Variants in CMIP observed in about 807,000 individuals in gnomAD.
The protein encoded by CMIP is C-Maf-inducing protein.
A neutral mutation model predicts 97.3 loss-of-function variants in CMIP; 13 were observed. The observed-to-expected ratio is 0.13, with a 90% CI of 0.09 to 0.21. The LOEUF is 0.21. Among genes scored for constraint, CMIP ranks in the 10% least tolerant of loss-of-function variants. CMIP has a pLI of 1.00. For missense variants in CMIP, 847 were observed against 1,024.9 expected (o/e 0.83, Z 2.37); for synonymous variants, 538 against 436.3 (o/e 1.23, Z -2.91).
intron 2 of CMIP, among the ~76,000 whole-genome samples, chr16:81,612,620 C>A (rs1200671988): frequency 6.6e-6 from 1 of 152,204 alleles, no homozygotes; most frequent in East Asian, 1.9e-4. Flanking sequence ...TCTCACCTCT[C>A]AAGACAATGC....
intron 19 of CMIP, among the ~76,000 whole-genome samples, chr16:81,706,724 G>A (rs1021447830): frequency 2.0e-5 from 3 of 152,188 alleles, no homozygotes; most frequent in African/African-American, 7.2e-5. Flanking sequence ...GCAAGCTCTG[G>A]GGACATCAGG....
intron 1 of CMIP, among the ~76,000 whole-genome samples, chr16:81,596,264 G>A (rs1323837785): frequency 6.6e-6 from 1 of 152,010 alleles, no homozygotes; most frequent in Non-Finnish European, 1.5e-5. Context: ...CCAGCACTTT[G>A]GGAAGCCAAG....
chr16:81,644,275 A>T (rs1361481334), intron 3 of CMIP, among the ~76,000 whole-genome samples: 1 of 152,186 alleles, frequency 6.6e-6, no homozygotes, highest in African/African-American at 2.4e-5. Flanking sequence ...GATAATCGGG[A>T]CAGTGTTGCC....
chr16:81,675,436 C>G lies in CMIP; in HGVS notation c.1035-2839C>G, dbSNP rs151119711. 7.1e-4 allele frequency among the ~76,000 whole-genome samples: 103 copies of G among 144,700 alleles called. No individual in the cohort carries two copies. The East Asian group carries it at 0.019, about 26-fold the overall frequency. 94.9% of individuals were successfully genotyped at this position (144,700 alleles called of 152,430 possible). A position where few individuals can be genotyped will look rare whatever the true frequency, so the allele number is the denominator to read the frequency against. On this transcript the variant is annotated intron_variant, in intron 9 of 20. Transcript: ENST00000537098. ...GTTTCGCCATGTTGGCCAGGCTGGTCTCAAACTCCTGGCCTCAAGTGAAAT... is the reference window on the plus strand; with the variant it reads ...GTTTCGCCATGTTGGCCAGGCTGGTGTCAAACTCCTGGCCTCAAGTGAAAT...
intron 1 of CMIP, among the ~76,000 whole-genome samples, chr16:81,546,982 A>G (rs2090558749): frequency 6.6e-6 from 1 of 152,094 alleles, no homozygotes. Flanking sequence ...CTGGGCTGCA[A>G]AGGCCACTCC....
In CMIP at chr16:81,607,752, C is replaced by A; in HGVS notation, c.426+60C>A. 6 of 1,575,048 alleles carry A rather than the reference C, an allele frequency of 3.8e-6. No individual in the cohort carries two copies. The South Asian group carries it at 5.6e-5, about 15-fold the overall frequency. Reference sequence around the variant, plus strand: ...TCCCTCATCTTCATGCACTTGTGCCCCTCGTTTCCCTTGGAGGGAGCCAGC... The same window carrying A: ...TCCCTCATCTTCATGCACTTGTGCCACTCGTTTCCCTTGGAGGGAGCCAGC... On this transcript the variant is annotated intron_variant, in intron 2 of 20. Transcript: ENST00000537098.
At chr16:81,489,374 C>T (rs1454157529) in intron 1 of CMIP, among the ~76,000 whole-genome samples, 3 of 152,192 alleles carry the variant, frequency 2.0e-5, no homozygotes, top group African/African-American at 7.2e-5. Context: ...AGGCTCCAGG[C>T]CCTGAGGAAA....
At chr16:81,496,718 G>A (rs1369258024) in intron 1 of CMIP, among the ~76,000 whole-genome samples, 3 of 152,198 alleles carry the variant, frequency 2.0e-5, no homozygotes, top group South Asian at 2.1e-4. Flanking sequence ...CAGTAGAGGC[G>A]GGGGTCAGCC....
chr16:81,474,027 A>C (rs891410571), intron 1 of CMIP, among the ~76,000 whole-genome samples: 1 of 151,906 alleles, frequency 6.6e-6, no homozygotes, highest in Non-Finnish European at 1.5e-5. Context: ...GCTTCCTGTG[A>C]TCATCCCCAT....
At position 81,702,483 on chromosome 16, in the gene CMIP, C is replaced by T. The variant is rs545328954; in HGVS notation, c.1897-139C>T. On this transcript the variant is annotated intron_variant, in intron 16 of 20. Coordinates refer to ENST00000537098, the MANE Select transcript of CMIP (RefSeq NM_198390.3). The stretch of plus-strand genomic sequence containing the variant: ...CTCAAACCTCATCTCCGGGTTTGCC[C>T]CTGAGACCAAGACCACCGTGTTGCC... The T allele has an allele frequency of 2.0e-3, 1,729 of 854,370 alleles. 3 individuals are homozygous for T. Among genetic ancestry groups the T allele is most frequent in the Non-Finnish European group, 3.0e-3 (1,548 of 524,642 alleles). 52.9% of individuals were successfully genotyped at this position (854,370 alleles called of 1,614,324 possible). A position where few individuals can be genotyped will look rare whatever the true frequency, so the allele number is the denominator to read the frequency against.
intron 1 of CMIP, among the ~76,000 whole-genome samples, chr16:81,521,438 G>A (rs939282911): frequency 1.3e-4 from 20 of 151,916 alleles, no homozygotes; most frequent in Admixed American, 1.3e-4. Flanking sequence ...TAGAACCACC[G>A]GTGACCGCCA....
At chr16:81,501,145 G>C (rs1214377795) in intron 1 of CMIP, among the ~76,000 whole-genome samples, 1 of 152,222 alleles carries the variant, frequency 6.6e-6, no homozygotes, top group Non-Finnish European at 1.5e-5. Context: ...CGTTTTCCTG[G>C]AGAACGCAGT....
At chr16:81,507,187 C>T (rs972991535) in intron 1 of CMIP, among the ~76,000 whole-genome samples, 1 of 152,040 alleles carries the variant, frequency 6.6e-6, no homozygotes, top group Non-Finnish European at 1.5e-5. Flanking sequence ...ACCCAGGAGG[C>T]GGAGCTTGCA....
At position 81,476,108 on chromosome 16, in the gene CMIP, G is replaced by T. The variant is rs117788931; in HGVS notation, c.300+30567G>T. ...CCCAAAGTGCTCCATGGCCTCCACA[G>T]TCTTCACGTCTTCTTTCACCTTGCC... On this transcript the variant is annotated intron_variant, in intron 1 of 20. Transcript: ENST00000537098. 0.026 allele frequency: 21,688 copies of T among 844,008 alleles called. 1,549 individuals are homozygous for T. The East Asian group carries it at 0.26, about 10-fold the overall frequency. 52.3% of individuals were successfully genotyped at this position (844,008 alleles called of 1,614,324 possible).
intron 3 of CMIP, among the ~76,000 whole-genome samples, chr16:81,641,223 C>G (rs2092303106): frequency 6.6e-6 from 1 of 152,130 alleles, no homozygotes; most frequent in Non-Finnish European, 1.5e-5. Context: ...AGGGCCTGGC[C>G]TAAAGCAGCA....
chr16:81,521,387 G>A (rs531975067), intron 1 of CMIP, among the ~76,000 whole-genome samples: 9,973 of 149,192 alleles, frequency 0.067, 1,063 homozygotes, highest in African/African-American at 0.23. Flanking sequence ...ACCCCCCCCC[G>A]AATAGCAAAC....
intron 9 of CMIP, among the ~76,000 whole-genome samples, chr16:81,674,227 T>A (rs1362941899): frequency 6.6e-6 from 1 of 152,116 alleles, no homozygotes; most frequent in Admixed American, 6.5e-5. Flanking sequence ...CCCAAGGGCA[T>A]GTTCTGGAGC....
intron 2 of CMIP, among the ~76,000 whole-genome samples, chr16:81,610,039 C>G (rs1424196034): frequency 6.6e-6 from 1 of 152,156 alleles, no homozygotes; most frequent in Non-Finnish European, 1.5e-5. Context: ...CCCCTTGAAA[C>G]ATTCCAGTTG....
In CMIP at chr16:81,616,397, C is replaced by T. The variant is rs138437162; in HGVS notation, c.427-4479C>T. On this transcript the variant is annotated intron_variant, in intron 2 of 20. Transcript: ENST00000537098. This position sits in a 1 kb window ranked among gnomAD's most constrained non-coding sequence, Gnocchi z 4.7. ...CGGAGTGTGCAGAGGCACCCCACTG[C>T]CTGCTCCGAGCCTCAGCTTCCTCAT... Among the ~76,000 whole-genome samples the T allele has an allele frequency of 4.3e-3, 653 of 152,278 alleles. 8 individuals carry two copies. The highest frequency in any genetic ancestry group is 0.015 in the African/African-American group (629 of 41,546).
Sources: gnomAD v4.1 joint callset for allele counts (sites outside exome capture counted in the v4.1 genomes callset) on GRCh38, gnomAD v4.1.1 for gene constraint, Gnocchi (gnomAD v3.1) non-coding constraint, MANE v1.5 for transcripts, NCBI Gene and HGNC (gene_info 2026-07-23, HGNC 2026-07-21) for gene names.